Variants in HERPUD2 observed in about 807,000 individuals in gnomAD.
The protein encoded by HERPUD2 is homocysteine-responsive endoplasmic reticulum-resident ubiquitin-like domain member 2 protein.
A neutral mutation model predicts 49.9 loss-of-function variants in HERPUD2; 13 were observed. The ratio of observed to expected loss-of-function variants is 0.26; its 90% CI spans 0.17 to 0.41. HERPUD2 has a LOEUF of 0.41. HERPUD2 is among the 10% of genes least tolerant of loss of function. HERPUD2 has a pLI of 1.00. For missense variants in HERPUD2, 449 were observed against 492.2 expected, an observed-to-expected ratio of 0.91 and a Z score of 0.83; for synonymous variants, 172 against 171.4, an observed-to-expected ratio of 1.00 and a Z score of -0.03.
intron 5 of HERPUD2, among the ~76,000 whole-genome samples, chr7:35,639,576 C>G (rs572043776): frequency 7.2e-4 from 109 of 152,232 alleles, no homozygotes; most frequent in Non-Finnish European, 8.5e-4. Context: ...CAGAGATAAA[C>G]AGGTAAGAAA....
chr7:35,635,664 TTC>T (rs967851945), intron 6 of HERPUD2, among the ~76,000 whole-genome samples: 9 of 152,190 alleles, frequency 5.9e-5, no homozygotes, highest in African/African-American at 2.2e-4. Flanking sequence ...GGAAAGGATG[TTC>T]TCTCAGCCTG....
chr7:35,670,322 CA>C lies in HERPUD2; in HGVS notation c.231del (p.Asp77GlufsTer8). On this transcript the variant is annotated frameshift_variant, in exon 4 of 9. Transcript: ENST00000311350. LOFTEE classifies it high-confidence loss of function. ...CATACTAGATGAACCATATGATACT[CA>C]TCTTGCTAAAATTAAAGAAGATTAC... is the stretch of plus-strand genomic sequence containing the variant. ...LQLKDILRKQ[D>X]EYHMVHLVCT... 6.9e-7 allele frequency: 1 copy of C among 1,446,814 alleles called. No homozygotes were observed. The highest frequency in any genetic ancestry group is 9.3e-7 in the Non-Finnish European group (1 of 1,071,144). The allele number at this position is 1,446,814 out of a possible 1,614,324, so 89.6% of individuals were successfully genotyped here.
At chr7:35,655,880 G>A (rs1785265410) in intron 5 of HERPUD2, among the ~76,000 whole-genome samples, 1 of 152,194 alleles carries the variant, frequency 6.6e-6, no homozygotes, top group Non-Finnish European at 1.5e-5. Flanking sequence ...AAGAAATCGA[G>A]CCGAGTGTGG....
At chr7:35,671,992 T>C (rs1785653637) in intron 3 of HERPUD2, among the ~76,000 whole-genome samples, 2 of 152,014 alleles carry the variant, frequency 1.3e-5, no homozygotes, top group Admixed American at 1.3e-4. Flanking sequence ...TTTAGGGCTA[T>C]TCTAAGTGAT....
intron 5 of HERPUD2, among the ~76,000 whole-genome samples, chr7:35,650,890 G>A (rs1785151074): frequency 6.6e-6 from 1 of 152,158 alleles, no homozygotes; most frequent in Non-Finnish European, 1.5e-5. Context: ...CAAACCACCA[G>A]GGAGCCTGAG....
chr7:35,670,792 A>G (rs1390077435), intron 3 of HERPUD2, among the ~76,000 whole-genome samples: 2 of 152,048 alleles, frequency 1.3e-5, no homozygotes, highest in African/African-American at 4.8e-5. Context: ...TTTTTCAGTC[A>G]AAAACTATTT....
At chr7:35,655,532 A>G (rs148463617) in intron 5 of HERPUD2, among the ~76,000 whole-genome samples, 182 of 152,326 alleles carry the variant, frequency 1.2e-3, no homozygotes, top group African/African-American at 4.3e-3. Flanking sequence ...GCATAGACGG[A>G]ACATATCTCA....
At chr7:35,661,027 C>T (rs1785407433) in intron 5 of HERPUD2, among the ~76,000 whole-genome samples, 1 of 152,170 alleles carries the variant, frequency 6.6e-6, no homozygotes, top group Non-Finnish European at 1.5e-5. Context: ...ACATTTAAGT[C>T]TTTAATCCAT....
chr7:35,638,920 G>A (rs1315620522), intron 5 of HERPUD2, among the ~76,000 whole-genome samples: 1 of 151,940 alleles, frequency 6.6e-6, no homozygotes, highest in South Asian at 2.1e-4. Flanking sequence ...TAGCAGCTAT[G>A]AGCTGTAAAA....
At chr7:35,637,160 A>AAGAAAGAAAGAAAGAAAGAT (rs1554311472) in intron 6 of HERPUD2, among the ~76,000 whole-genome samples, 8 of 144,082 alleles carry the variant, frequency 5.6e-5, no homozygotes, top group African/African-American at 1.0e-4. Flanking sequence ...GAAAGAAAGA[A>AAGAAAGAAAGAAAGAAAGAT]AGATAGATAG....
At chr7:35,684,423 C>T (rs912544219) in intron 2 of HERPUD2, among the ~76,000 whole-genome samples, 5 of 151,562 alleles carry the variant, frequency 3.3e-5, no homozygotes, top group Admixed American at 1.3e-4. Context: ...AAGATACTTG[C>T]ACAAATATTT....
chr7:35,660,028 T>G (rs1335820090), intron 5 of HERPUD2, among the ~76,000 whole-genome samples: 1 of 151,944 alleles, frequency 6.6e-6, no homozygotes, highest in African/African-American at 2.4e-5. Context: ...CCCTCCCCAC[T>G]CCCCCAACCC....
chr7:35,663,711 G>C (rs779231262), intron 5 of HERPUD2, among the ~76,000 whole-genome samples: 9 of 152,076 alleles, frequency 5.9e-5, no homozygotes, highest in African/African-American at 9.7e-5. Flanking sequence ...TCAGAGACTA[G>C]GACTGCAATC....
intron 2 of HERPUD2, among the ~76,000 whole-genome samples, chr7:35,674,141 A>C (rs1255898770): frequency 6.6e-6 from 1 of 151,874 alleles, no homozygotes; most frequent in Non-Finnish European, 1.5e-5. Flanking sequence ...CTACTACAAA[A>C]GGGTCTTCTT....
At chr7:35,646,849 C>G (rs1785063130) in intron 5 of HERPUD2, among the ~76,000 whole-genome samples, 3 of 152,012 alleles carry the variant, frequency 2.0e-5, no homozygotes, top group South Asian at 4.2e-4. Flanking sequence ...GGCAGAAGTT[C>G]TGACAGCTTG....
intron 5 of HERPUD2, among the ~76,000 whole-genome samples, chr7:35,641,985 G>C (rs1042566947): frequency 2.0e-5 from 3 of 152,152 alleles, no homozygotes; most frequent in African/African-American, 4.8e-5. Flanking sequence ...AAACTTAAGA[G>C]CTTCTGCACA....
chr7:35,667,647 C>A, intron 4 of HERPUD2, 59 bp from the exon 5 acceptor site: 1 of 1,332,790 alleles, frequency 7.5e-7, no homozygotes, highest in Admixed American at 1.8e-5. Context: ...CATAAAATTA[C>A]AGGCACATTA....
intron 5 of HERPUD2, among the ~76,000 whole-genome samples, chr7:35,661,238 ATC>A (rs1217408919): frequency 6.6e-6 from 1 of 152,036 alleles, no homozygotes; most frequent in Non-Finnish European, 1.5e-5. Flanking sequence ...ACTAGTCTAT[ATC>A]TCTGTTTTGG....
chr7:35,662,793 C>G, intron 5 of HERPUD2, among the ~76,000 whole-genome samples: 1 of 152,086 alleles, frequency 6.6e-6, no homozygotes, highest in East Asian at 1.9e-4. Context: ...AGTGGTCTAT[C>G]AATTTTGTTG....
Sources: allele counts gnomAD v4.1 joint callset (sites outside exome capture counted in the v4.1 genomes callset), GRCh38; gene constraint gnomAD v4.1.1; transcripts MANE v1.5; gene names NCBI Gene and HGNC (gene_info 2026-07-23, HGNC 2026-07-21).